The following DGKI variants were observed in gnomAD, a reference collection of about 807,000 sequenced individuals.
DGKI encodes the protein DAG kinase iota.
In DGKI, 55 loss-of-function variants were observed where a neutral mutation model predicts 147.5. The ratio of observed to expected loss-of-function variants is 0.37; its 90% CI spans 0.30 to 0.47. The LOEUF is 0.47. Among genes scored for constraint, DGKI ranks in the 20% least tolerant of loss-of-function variants. The pLI, the probability that DGKI is intolerant of heterozygous loss-of-function variation, is 1.00. For synonymous variants in DGKI, 469 were observed against 477.1 expected, an observed-to-expected ratio of 0.98 and a Z score of 0.22; for missense variants, 1,007 against 1,323.8, an observed-to-expected ratio of 0.76 and a Z score of 3.71.
intron 1 of DGKI, among the ~76,000 whole-genome samples, chr7:137,711,861 T>C (rs58290352): frequency 0.036 from 5,404 of 151,082 alleles, 303 homozygotes; most frequent in African/African-American, 0.12. Context: ...ACCCAGCTAG[T>C]TTTTGTATTT....
At chr7:137,711,169 G>T (rs1185532757) in intron 1 of DGKI, among the ~76,000 whole-genome samples, 1 of 152,044 alleles carries the variant, frequency 6.6e-6, no homozygotes, top group Non-Finnish European at 1.5e-5. Flanking sequence ...AGGACAACAT[G>T]GTTCATCACT....
intron 1 of DGKI, among the ~76,000 whole-genome samples, chr7:137,817,843 C>G (rs1797784494): frequency 6.6e-6 from 1 of 152,202 alleles, no homozygotes; most frequent in Non-Finnish European, 1.5e-5. Context: ...TTTAATATGC[C>G]ACATCTGTTT....
intron 1 of DGKI, among the ~76,000 whole-genome samples, chr7:137,832,915 C>T (rs1032687328): frequency 9.9e-5 from 15 of 152,178 alleles, no homozygotes; most frequent in African/African-American, 3.4e-4. Context: ...CTAAGTTCCA[C>T]AAATCTCTAG....
chr7:137,679,710 A>C (rs1297149773), intron 2 of DGKI, among the ~76,000 whole-genome samples: 2 of 152,120 alleles, frequency 1.3e-5, no homozygotes, highest in African/African-American at 4.8e-5. Flanking sequence ...TATGTTGGCC[A>C]GACACGGTGG....
In DGKI at chr7:137,770,534, GTTT is replaced by G. The variant is rs1396125188; in HGVS notation, c.401+75925_401+75927del. On this transcript the variant is annotated intron_variant, in intron 1 of 32. Coordinates refer to ENST00000614521, the MANE Select transcript of DGKI (RefSeq NM_001321708.2). ...AAAATCAATAAATTATACTCAGTGG[GTTT>G]TTTTTTTTTTTTTTGAGACGGAGTC... is the stretch of plus-strand genomic sequence containing the variant. Among the ~76,000 whole-genome samples the G allele has an allele frequency of 2.0e-5, 2 of 101,416 alleles. 1 individual carries two copies. Among genetic ancestry groups the G allele is most frequent in the African/African-American group, 1.4e-4 (2 of 13,902 alleles). The allele number at this position is 101,416 out of a possible 152,430, so 66.5% of individuals were successfully genotyped here.
intron 1 of DGKI, among the ~76,000 whole-genome samples, chr7:137,705,871 C>T (rs977671790): frequency 8.4e-4 from 127 of 152,012 alleles, no homozygotes; most frequent in African/African-American, 3.0e-3. Context: ...ATGGAACATG[C>T]AGTAAAGATA....
At chr7:137,424,371 G>C (rs377040365) in intron 28 of DGKI, among the ~76,000 whole-genome samples, 27 of 152,252 alleles carry the variant, frequency 1.8e-4, no homozygotes, top group Non-Finnish European at 3.2e-4. Context: ...TTCTTCATAG[G>C]AATTCATATA....
chr7:137,571,845 G>T (rs1298049401), intron 18 of DGKI, among the ~76,000 whole-genome samples: 1 of 151,918 alleles, frequency 6.6e-6, no homozygotes, highest in Non-Finnish European at 1.5e-5. Flanking sequence ...AGAGGGAGAA[G>T]CAAGAAAAGA....
chr7:137,605,365 TAAAA>T (rs1820146597), intron 10 of DGKI, among the ~76,000 whole-genome samples: 1 of 141,338 alleles, frequency 7.1e-6, no homozygotes, highest in Non-Finnish European at 1.6e-5. Flanking sequence ...TAAAATAAAA[TAAAA>T]TAAAATAAAA....
chr7:137,591,199 A>G (rs1819597093), intron 12 of DGKI, among the ~76,000 whole-genome samples: 1 of 152,202 alleles, frequency 6.6e-6, no homozygotes, highest in Admixed American at 6.5e-5. Context: ...GTGAATGTAA[A>G]GGTGCTTCGC....
intron 17 of DGKI, 58 bp from the exon 18 acceptor site, chr7:137,572,896 G>C: frequency 7.8e-7 from 1 of 1,278,892 alleles, no homozygotes; most frequent in South Asian, 1.3e-5. Flanking sequence ...AAAAACCTAT[G>C]AAAGATAACT....
At chr7:137,684,879 C>T (rs1462360694) in intron 2 of DGKI, among the ~76,000 whole-genome samples, 1 of 152,158 alleles carries the variant, frequency 6.6e-6, no homozygotes, top group Non-Finnish European at 1.5e-5. Flanking sequence ...GTCCAGGTCT[C>T]CTAGGACTCA....
intron 30 of DGKI, among the ~76,000 whole-genome samples, chr7:137,400,586 AC>A (rs1562995485): frequency 6.6e-6 from 1 of 152,158 alleles, no homozygotes; most frequent in Non-Finnish European, 1.5e-5. Flanking sequence ...CAGAGTCACT[AC>A]CCAGAATTAT....
At chr7:137,514,477 C>G (rs559656394) in intron 21 of DGKI, among the ~76,000 whole-genome samples, 1 of 152,142 alleles carries the variant, frequency 6.6e-6, no homozygotes, top group South Asian at 2.1e-4. Context: ...TTCTCTGAAA[C>G]GCTGACAGCT....
intron 8 of DGKI, among the ~76,000 whole-genome samples, chr7:137,613,895 G>A (rs1312722649): frequency 2.0e-5 from 3 of 152,110 alleles, no homozygotes; most frequent in Non-Finnish European, 4.4e-5. Flanking sequence ...CACTCGAAGT[G>A]GTTCTGTATT....
chr7:137,643,464 G>A (rs906153280), intron 6 of DGKI, among the ~76,000 whole-genome samples: 1 of 152,172 alleles, frequency 6.6e-6, no homozygotes, highest in Non-Finnish European at 1.5e-5. Context: ...ATCCAAGGAA[G>A]GGTAATTTAT....
chr7:137,457,705 T>C (rs746495654), intron 27 of DGKI, among the ~76,000 whole-genome samples: 2 of 152,186 alleles, frequency 1.3e-5, no homozygotes, highest in African/African-American at 2.4e-5. Context: ...TGAGCACACA[T>C]AGCATATGGA....
intron 1 of DGKI, among the ~76,000 whole-genome samples, chr7:137,838,871 C>A (rs1177715212): frequency 6.6e-6 from 1 of 152,260 alleles, no homozygotes; most frequent in Non-Finnish European, 1.5e-5. Flanking sequence ...GGGCAGGTAG[C>A]ATCTGCGAAG....
At chr7:137,397,529 A>T in intron 30 of DGKI, 116 bp from the exon 31 acceptor site, 1 of 915,778 alleles carries the variant, frequency 1.1e-6, no homozygotes, top group South Asian at 1.5e-5. Context: ...GGGGATAGGA[A>T]TAATAAGACA....
Sources: allele counts gnomAD v4.1 joint callset (sites outside exome capture counted in the v4.1 genomes callset), GRCh38; gene constraint gnomAD v4.1.1; transcripts MANE v1.5; gene names NCBI Gene and HGNC (gene_info 2026-07-23, HGNC 2026-07-21).